The following CABIN1 variants were observed in gnomAD, a reference collection of about 807,000 sequenced individuals.
CABIN1 encodes calcineurin-binding protein cabin-1.
In CABIN1, 133 loss-of-function variants were observed where a neutral mutation model predicts 227.7. The ratio of observed to expected loss-of-function variants is 0.58; its 90% confidence interval spans 0.51 to 0.67. The LOEUF (loss-of-function observed/expected upper bound fraction) is 0.67, where lower values mean the gene tolerates loss of function less well. Among genes scored for constraint, CABIN1 ranks in the 30% least tolerant of loss-of-function variants. The pLI is 0.00. For missense variants in CABIN1, 2,408 were observed against 2,852.5 expected (o/e 0.84, Z 3.55); for synonymous variants, 1,086 against 1,155.1 (o/e 0.94, Z 1.21).
At chr22:24,176,701 C>T (rs544072282) in intron 35 of CABIN1, among the ~76,000 whole-genome samples, 3 of 152,280 alleles carry the variant, frequency 2.0e-5, no homozygotes, top group South Asian at 2.1e-4. Flanking sequence ...ACAGGTTGGG[C>T]TGGGCCAAGC....
intron 2 of CABIN1, 28 bp downstream of exon 2, chr22:24,035,548 G>A (rs1216829501): frequency 3.1e-6 from 5 of 1,613,916 alleles, no homozygotes; most frequent in South Asian, 2.2e-5. Context: ...CCTATTTTGC[G>A]GACCTCAGTG....
In CABIN1 at chr22:24,134,314, G is replaced by GC; in HGVS notation, c.4648dup (p.Arg1550ProfsTer44). On this transcript the variant is annotated frameshift_variant, in exon 29 of 37. Transcript: ENST00000263119. LOFTEE classifies it high-confidence loss of function. Reference sequence around the variant, plus strand: ...CTTGTTTCCCCAGAACCTCCAGTGGGCCCGCGACGTGTTGCTAGGCAGCAG... The same window carrying GC: ...CTTGTTTCCCCAGAACCTCCAGTGGGCCCCGCGACGTGTTGCTAGGCAGCAG... 6.2e-7 allele frequency: 1 copy of GC among 1,613,762 alleles called. No individual in the cohort carries two copies. Among genetic ancestry groups the GC allele is most frequent in the Admixed American group, 1.7e-5 (1 of 59,998 alleles).
chr22:24,156,292 C>T (rs1413895567), intron 29 of CABIN1, among the ~76,000 whole-genome samples: 3 of 152,104 alleles, frequency 2.0e-5, no homozygotes, highest in Non-Finnish European at 4.4e-5. Context: ...GGCGCCCCCG[C>T]GGAGGAAATC....
At chr22:24,096,210 C>T in intron 25 of CABIN1, 128 bp downstream of exon 25, 1 of 1,080,824 alleles carries the variant, frequency 9.3e-7, no homozygotes, top group East Asian at 2.4e-5. Flanking sequence ...CATGGAGTCC[C>T]TAGGACCCAT....
rs1405231047 is a variant in CABIN1, at chr22:24,084,745, T to C, written c.3077T>C (p.Leu1026Pro). ...VPRTERPALS[L>P]DKVSAYIEGT... The stretch of plus-strand genomic sequence containing the variant: ...CGCACAGAGAGGCCAGCCCTTAGCC[T>C]GGACAAAGTCTCTGCCTACATTGAG... The change falls in exon 21 of 37, where the codon CTG becomes CCG. Residue 1026 changes from leucine (L) to proline (P), a missense_variant. Physicochemically the swap from Leu to Pro is moderately conservative, Grantham distance 98 (BLOSUM62 -3). Coordinates refer to ENST00000263119, the MANE Select transcript of CABIN1 (RefSeq NM_012295.4). 1.9e-6 allele frequency: 3 copies of C among 1,614,128 alleles called. No homozygotes were observed. Among genetic ancestry groups the C allele is most frequent in the African/African-American group, 1.3e-5 (1 of 74,946 alleles).
chr22:24,114,496 A>G (rs140275993), intron 27 of CABIN1, among the ~76,000 whole-genome samples: 2 of 152,214 alleles, frequency 1.3e-5, no homozygotes, highest in African/African-American at 4.8e-5. Flanking sequence ...GGTTCTCCCA[A>G]GCACCCTAGA....
chr22:24,060,013 C>T lies in CABIN1; in HGVS notation c.1489C>T (p.His497Tyr). The T allele has an allele frequency of 6.2e-7, 1 of 1,614,166 alleles. No homozygotes were observed. The highest frequency in any genetic ancestry group is 8.5e-7 in the Non-Finnish European group (1 of 1,180,024). The part of the protein sequence containing the change: ...LMMRYLKAMG[H>Y]KFLVRWPPGL... ...GATGCGCTACCTGAAAGCCATGGGC[C>T]ACAAGTTCTTGGTAAGGTGGCCTCC... The change falls in exon 12 of 37, where the codon CAC becomes TAC. Residue 497 changes from histidine to tyrosine, a missense_variant. This residue lies in a region of CABIN1 where 1,045 missense variants were observed against 1,168.4 expected (regional missense o/e 0.89). Transcript: ENST00000263119.
At chr22:24,116,605 C>T (rs2043102764) in intron 27 of CABIN1, among the ~76,000 whole-genome samples, 3 of 152,210 alleles carry the variant, frequency 2.0e-5, no homozygotes, top group African/African-American at 4.8e-5. Context: ...TTGAGTAAGA[C>T]GATCTCAGAA....
At chr22:24,133,811 C>T (rs2044221913) in intron 28 of CABIN1, among the ~76,000 whole-genome samples, 1 of 152,226 alleles carries the variant, frequency 6.6e-6, no homozygotes. Context: ...TCCCCTGGGC[C>T]TGGATTCCAC....
At chr22:24,086,427 C>T (rs1241519279) in intron 22 of CABIN1, among the ~76,000 whole-genome samples, 1 of 152,246 alleles carries the variant, frequency 6.6e-6, no homozygotes, top group Non-Finnish European at 1.5e-5. Flanking sequence ...ATCAGCCTGG[C>T]CCATTAGGCA....
At chr22:24,136,847 G>A (rs530480335) in intron 29 of CABIN1, among the ~76,000 whole-genome samples, 32 of 151,756 alleles carry the variant, frequency 2.1e-4, no homozygotes, top group African/African-American at 6.8e-4. Flanking sequence ...CAAATTTCTT[G>A]TCCTTCATGT....
chr22:24,134,323 G>A lies in CABIN1; in HGVS notation c.4654G>A (p.Val1552Met), dbSNP rs773942368. 25 of 1,613,916 alleles carry A rather than the reference G, an allele frequency of 1.5e-5. No individual in the cohort carries two copies. The highest frequency in any genetic ancestry group is 2.2e-5 in the South Asian group (2 of 91,080). ...THRNLQWARD[V>M]LLGSSIPWQQ... ...CCAGAACCTCCAGTGGGCCCGCGAC[G>A]TGTTGCTAGGCAGCAGTATCCCGTG... is the stretch of plus-strand genomic sequence containing the variant. Residue 1552 changes from valine (V) to methionine (M), a missense_variant, in exon 29 of 37, where the codon GTG (valine) becomes ATG (methionine). By Grantham distance (21) the Val-to-Met change is conservative. Transcript: ENST00000263119.
chr22:24,090,237 A>G (rs146051038), intron 23 of CABIN1, among the ~76,000 whole-genome samples: 97 of 152,328 alleles, frequency 6.4e-4, no homozygotes, highest in African/African-American at 2.3e-3. Flanking sequence ...GCCACTTCAC[A>G]GCTACCCTTT....
chr22:24,046,896 A>AC lies in CABIN1; in HGVS notation c.527-2187dup, dbSNP rs201530811. Among the ~76,000 whole-genome samples, 1,657 of 148,108 alleles carry AC rather than the reference A, an allele frequency of 0.011. 65 individuals are homozygous for AC. In the East Asian group the frequency reaches 0.14, roughly 13 times the overall value. The stretch of plus-strand genomic sequence containing the variant: ...CTTGGTTTTAGTGAGAAGGTAGAAA[A>AC]CCCCCCCCACCGCAATGTCCCAGTT... On this transcript the variant is annotated intron_variant, in intron 6 of 36. Transcript: ENST00000263119.
intron 1 of CABIN1, among the ~76,000 whole-genome samples, chr22:24,014,696 G>T (rs991836729): frequency 6.6e-6 from 1 of 152,150 alleles, no homozygotes; most frequent in African/African-American, 2.4e-5. Flanking sequence ...TGTTTTTGCG[G>T]TATGAATTAT....
chr22:24,035,609 C>A (rs973062972), intron 2 of CABIN1, 89 bp downstream of exon 2: 1 of 1,514,590 alleles, frequency 6.6e-7, no homozygotes, highest in African/African-American at 1.4e-5. Context: ...CTGTTAGATT[C>A]TGAAGGCTCT....
chr22:24,083,734 C>T (rs545323789), intron 20 of CABIN1, among the ~76,000 whole-genome samples: 1 of 152,182 alleles, frequency 6.6e-6, no homozygotes, highest in Admixed American at 6.5e-5. Flanking sequence ...GTGAATAGCC[C>T]TGGGTGGCAG....
chr22:24,082,212 C>G (rs2040857864), intron 19 of CABIN1, among the ~76,000 whole-genome samples: 1 of 151,580 alleles, frequency 6.6e-6, no homozygotes, highest in African/African-American at 2.4e-5. Flanking sequence ...GCCTTAGCCT[C>G]CCACGTAGCT....
At chr22:24,042,036 C>T (rs774123639) in intron 5 of CABIN1, among the ~76,000 whole-genome samples, 35 of 152,334 alleles carry the variant, frequency 2.3e-4, no homozygotes, top group South Asian at 1.2e-3. Context: ...ACTGCAGCCT[C>T]GACTTCCCAG....
Sources: allele counts gnomAD v4.1 joint callset (sites outside exome capture counted in the v4.1 genomes callset), GRCh38; gene constraint gnomAD v4.1.1; regional missense constraint gnomAD v4.1.1; transcripts MANE v1.5; gene names NCBI Gene and HGNC (gene_info 2026-07-23, HGNC 2026-07-21).